NHS: variants seen among roughly 807,000 people sequenced by gnomAD.
NHS encodes NHS actin remodeling regulator.
In NHS, 5 loss-of-function variants were observed where a neutral mutation model predicts 72.5. The ratio of observed to expected loss-of-function variants is 0.07; its 90% CI spans 0.04 to 0.14. The LOEUF (loss-of-function observed/expected upper bound fraction) is 0.14. Ranked by LOEUF, NHS falls within the 10% of genes least tolerant of loss-of-function variation. The pLI, the probability that NHS is intolerant of heterozygous loss-of-function variation, is 1.00. For synonymous variants in NHS, 464 were observed against 547.7 expected (o/e 0.85, Z 2.13); for missense variants, 1,072 against 1,355.7 (o/e 0.79, Z 3.29).
intron 1 of NHS, among the ~76,000 whole-genome samples, chrX:17,399,396 C>G (rs2064492585): frequency 9.0e-6 from 1 of 111,640 alleles, no homozygotes; most frequent in Admixed American, 9.5e-5. Flanking sequence ...GCCACCATGC[C>G]CGACCCCTAC....
intron 1 of NHS, among the ~76,000 whole-genome samples, chrX:17,598,665 AT>A (rs1376611018): frequency 8.9e-6 from 1 of 111,776 alleles, no homozygotes; most frequent in African/African-American, 3.3e-5. Flanking sequence ...TAAACCTGGG[AT>A]TTGAACCAAG....
intron 3 of NHS, among the ~76,000 whole-genome samples, chrX:17,709,969 G>A (rs1376633036): frequency 9.0e-6 from 1 of 111,730 alleles, no homozygotes; most frequent in Non-Finnish European, 1.9e-5. Context: ...AACAGATGAG[G>A]GCTGAAACCA....
At chrX:17,695,376 GAATAC>G (rs1418449760) in intron 3 of NHS, among the ~76,000 whole-genome samples, 1 of 112,193 alleles carries the variant, frequency 8.9e-6, no homozygotes, top group Non-Finnish European at 1.9e-5. Flanking sequence ...CTATAGGATA[GAATAC>G]AATATCAAAA....
intron 1 of NHS, among the ~76,000 whole-genome samples, chrX:17,577,337 G>A (rs138751371): frequency 4.7e-4 from 53 of 111,825 alleles, no homozygotes; most frequent in African/African-American, 1.6e-3. Context: ...AAATAAAGGC[G>A]ACTTTTGGAG....
chrX:17,561,572 G>GCACA (rs1304131940), intron 1 of NHS, among the ~76,000 whole-genome samples: 269 of 60,210 alleles, frequency 4.5e-3, no homozygotes, highest in African/African-American at 0.015. Flanking sequence ...GCGCGCGCGC[G>GCACA]CGCACACACA....
chrX:17,483,072 T>C (rs755508966), intron 1 of NHS, among the ~76,000 whole-genome samples: 13 of 111,554 alleles, frequency 1.2e-4, no homozygotes, highest in Non-Finnish European at 2.1e-4. Flanking sequence ...ATAATAACGA[T>C]AATAATAAAG....
intron 1 of NHS, among the ~76,000 whole-genome samples, chrX:17,413,648 G>A (rs923187809): frequency 7.1e-5 from 8 of 112,281 alleles, no homozygotes. Context: ...GTTTTGAAAA[G>A]TGGATTTATT....
At chrX:17,546,811 A>G (rs182954639) in intron 1 of NHS, among the ~76,000 whole-genome samples, 2 of 112,599 alleles carry the variant, frequency 1.8e-5, no homozygotes, top group Admixed American at 1.9e-4. Flanking sequence ...AGCTTTTCTC[A>G]TTGAAGAAAA....
intron 1 of NHS, among the ~76,000 whole-genome samples, chrX:17,538,409 G>C (rs1478887247): frequency 9.0e-6 from 1 of 111,725 alleles, no homozygotes; most frequent in Non-Finnish European, 1.9e-5. Flanking sequence ...GCTGACATAG[G>C]TGCACTAAAG....
chrX:17,430,279 CTTTCTTTCTTT>C (rs2064684922), intron 1 of NHS, among the ~76,000 whole-genome samples: 1 of 68,399 alleles, frequency 1.5e-5, no homozygotes, highest in Non-Finnish European at 2.5e-5. Context: ...TTCTTTCTTT[CTTTCTTTCTTT>C]CTTTCTTTCT....
intron 4 of NHS, among the ~76,000 whole-genome samples, chrX:17,719,978 T>TTCTC (rs761843999): frequency 6.4e-4 from 69 of 108,101 alleles, no homozygotes; most frequent in East Asian, 1.4e-3. Context: ...CTCAATCAGT[T>TTCTC]TCTCTCTCTC....
chrX:17,622,773 C>T (rs192811267), intron 1 of NHS, among the ~76,000 whole-genome samples: 25 of 111,185 alleles, frequency 2.2e-4, no homozygotes, highest in African/African-American at 7.5e-4. Context: ...TGCAGGCCAG[C>T]AGAGCAAGCA....
intron 1 of NHS, among the ~76,000 whole-genome samples, chrX:17,412,074 T>C (rs962826434): frequency 9.0e-6 from 1 of 110,793 alleles, no homozygotes. Context: ...AATGTCATTA[T>C]GGTGTTAAGT....
intron 1 of NHS, among the ~76,000 whole-genome samples, chrX:17,617,198 T>C (rs1010296285): frequency 8.9e-6 from 1 of 111,822 alleles, no homozygotes; most frequent in Non-Finnish European, 1.9e-5. Context: ...AGGCTGTGAA[T>C]TGGGGTCTGC....
At chrX:17,569,857 G>T (rs1053016115) in intron 1 of NHS, among the ~76,000 whole-genome samples, 2 of 112,034 alleles carry the variant, frequency 1.8e-5, no homozygotes, top group Non-Finnish European at 3.8e-5. Context: ...AAGGTGTAAG[G>T]AAGGGGTCTA....
chrX:17,531,345 C>T (rs1424876717), intron 1 of NHS, among the ~76,000 whole-genome samples: 1 of 108,891 alleles, frequency 9.2e-6, no homozygotes, highest in Non-Finnish European at 1.9e-5. Flanking sequence ...CCCCCTCCCT[C>T]ACTGTCCCCC....
At chrX:17,460,902 G>A (rs1734168045) in intron 1 of NHS, among the ~76,000 whole-genome samples, 1 of 112,046 alleles carries the variant, frequency 8.9e-6, no homozygotes. Context: ...GAGGGGTAAC[G>A]ATTCAAGCCC....
rs191272480 is a variant in NHS, at chrX:17,531,610, A to G, written c.565+155288A>G. ...CTGCTTCAGCTCTTTCTGTGACACC[A>G]TTGGTCGTAGCCTACAATCCTGAGC... On this transcript the variant is annotated intron_variant, in intron 1 of 8. Transcript: ENST00000676302. 2.7e-5 allele frequency among the ~76,000 whole-genome samples: 3 copies of G among 112,536 alleles called. No individual in the cohort carries two copies. The South Asian group carries it at 1.1e-3, about 41-fold the overall frequency.
At chrX:17,517,291 C>G (rs2065126578) in intron 1 of NHS, among the ~76,000 whole-genome samples, 1 of 111,890 alleles carries the variant, frequency 8.9e-6, no homozygotes. Context: ...AGATTTCAAC[C>G]CAGGATGCAC....
Sources: allele counts gnomAD v4.1 joint callset (sites outside exome capture counted in the v4.1 genomes callset), GRCh38; gene constraint gnomAD v4.1.1; transcripts MANE v1.5; gene names NCBI Gene and HGNC (gene_info 2026-07-23, HGNC 2026-07-21).